The following ACAP2 variants were observed in gnomAD, a reference collection of about 807,000 sequenced individuals.
The protein encoded by ACAP2 is ArfGAP with coiled-coil, ankyrin repeat and PH domains 2.
In ACAP2, 39 loss-of-function variants were observed where a neutral mutation model predicts 115.8. That is an observed-to-expected ratio of 0.34 (90% confidence interval 0.26 to 0.44). ACAP2 has a LOEUF of 0.44. ACAP2 is among the 20% of genes least tolerant of loss of function. The pLI, the probability that ACAP2 is intolerant of heterozygous loss-of-function variation, is 1.00. For synonymous variants in ACAP2, 289 were observed against 315.8 expected, an observed-to-expected ratio of 0.92 and a Z score of 0.90; for missense variants, 662 against 927.6, an observed-to-expected ratio of 0.71 and a Z score of 3.72.
chr3:195,398,493 C>G (rs923017960), intron 1 of ACAP2, among the ~76,000 whole-genome samples: 1 of 151,890 alleles, frequency 6.6e-6, no homozygotes, highest in Non-Finnish European at 1.5e-5. Context: ...AAAAATGCGC[C>G]AGGCATGGTG....
chr3:195,317,306 A>C (rs932225523), intron 10 of ACAP2, among the ~76,000 whole-genome samples: 4 of 152,214 alleles, frequency 2.6e-5, no homozygotes, highest in African/African-American at 9.6e-5. Context: ...AATGTACACA[A>C]AGTTAAACTT....
Position 195,393,423 on chromosome 3 carries a change from G to T in ACAP2, c.54-1276C>A, listed in dbSNP as rs78325499. ...TCCACTGGGTAACATTTATTTTTAA[G>T]AAGTGTTTAAATCTCTAAAATAAGA... is the stretch of plus-strand genomic sequence containing the variant. On this transcript the variant is annotated intron_variant, in intron 1 of 22. Coordinates refer to ENST00000326793, the MANE Select transcript of ACAP2 (RefSeq NM_012287.6). 5.7e-3 allele frequency among the ~76,000 whole-genome samples: 874 copies of T among 152,308 alleles called. 13 individuals carry two copies. Among genetic ancestry groups the T allele is most frequent in the African/African-American group, 0.02 (836 of 41,564 alleles).
chr3:195,348,058 A>T (rs1560270953), intron 4 of ACAP2, among the ~76,000 whole-genome samples: 1 of 151,892 alleles, frequency 6.6e-6, no homozygotes, highest in Non-Finnish European at 1.5e-5. Context: ...AAACTTGTAA[A>T]AAAAAAAACC....
At chr3:195,320,639 A>T in intron 10 of ACAP2, 62 bp downstream of exon 10, 1 of 1,217,174 alleles carries the variant, frequency 8.2e-7, no homozygotes, top group Non-Finnish European at 1.2e-6. Flanking sequence ...TTGTCAAATC[A>T]CAGGGAAAGT....
At chr3:195,301,858 T>C (rs1053994246) in intron 14 of ACAP2, 108 bp downstream of exon 14, 3 of 1,326,960 alleles carry the variant, frequency 2.3e-6, no homozygotes, top group Admixed American at 4.2e-5. Context: ...AGATACAAAC[T>C]GGTGATTAAA....
At chr3:195,329,128 C>G (rs1378207411) in intron 8 of ACAP2, among the ~76,000 whole-genome samples, 1 of 151,592 alleles carries the variant, frequency 6.6e-6, no homozygotes, top group Non-Finnish European at 1.5e-5. Flanking sequence ...TCTTGCATCT[C>G]TAACCAAAAA....
At position 195,295,940 on chromosome 3, in the gene ACAP2, G is replaced by A. The variant is rs950714844; in HGVS notation, c.1488-48C>T. 9.4e-6 allele frequency: 14 copies of A among 1,492,876 alleles called. No homozygotes were observed. In the Admixed American group the frequency reaches 1.2e-4, roughly 12 times the overall value. The allele number at this position is 1,492,876 out of a possible 1,614,324, so 92.5% of individuals were successfully genotyped here. A position where few individuals can be genotyped will look rare whatever the true frequency, so the allele number is the denominator to read the frequency against. The stretch of plus-strand genomic sequence containing the variant: ...GATGTTTTGCTTAATCTCTCAGCAT[G>A]GCTAATACCACAACAAGCCATTATA... On this transcript the variant is annotated intron_variant, in intron 16 of 22. Transcript: ENST00000326793.
At chr3:195,294,419 AAC>A (rs1389851385) in intron 18 of ACAP2, among the ~76,000 whole-genome samples, 2 of 150,872 alleles carry the variant, frequency 1.3e-5, no homozygotes, top group Non-Finnish European at 3.0e-5. Flanking sequence ...CCCTACTAAA[AAC>A]ACAAAAATTA....
intron 1 of ACAP2, among the ~76,000 whole-genome samples, chr3:195,415,602 T>G (rs115242937): frequency 0.012 from 1,816 of 152,194 alleles, 30 homozygotes; most frequent in African/African-American, 0.04. Flanking sequence ...AAGTAAATAT[T>G]GTCTTCAGCC....
intron 4 of ACAP2, among the ~76,000 whole-genome samples, chr3:195,350,778 C>T (rs2108668710): frequency 6.6e-6 from 1 of 151,662 alleles, no homozygotes; most frequent in African/African-American, 2.4e-5. Context: ...ATGTACAGAG[C>T]AAGCTGGAGA....
chr3:195,291,983 T>G (rs928023502), intron 19 of ACAP2, among the ~76,000 whole-genome samples, 168 bp from the exon 20 acceptor site: 3 of 152,226 alleles, frequency 2.0e-5, no homozygotes, highest in Non-Finnish European at 4.4e-5. Context: ...TAAATTATAT[T>G]ATTTTCTTCC....
chr3:195,403,099 G>T (rs1712451242), intron 1 of ACAP2, among the ~76,000 whole-genome samples: 1 of 152,176 alleles, frequency 6.6e-6, no homozygotes, highest in South Asian at 2.1e-4. Flanking sequence ...GATCAAAATA[G>T]TCCTCACTGA....
chr3:195,311,421 A>G (rs2109000494), intron 10 of ACAP2, among the ~76,000 whole-genome samples: 1 of 151,656 alleles, frequency 6.6e-6, no homozygotes, highest in East Asian at 2.0e-4. Flanking sequence ...CATTTCTAAG[A>G]AAAGGAAAAG....
rs1477503285 is a variant in ACAP2 at position 195,281,649 on chromosome 3, G to A, written c.2237-2221C>T. 2.0e-5 allele frequency among the ~76,000 whole-genome samples: 3 copies of A among 152,114 alleles called. No homozygotes were observed. The East Asian group carries it at 5.8e-4, about 29-fold the overall frequency. On this transcript the variant is annotated intron_variant, in intron 22 of 22. Coordinates refer to ENST00000326793, the MANE Select transcript of ACAP2 (RefSeq NM_012287.6). ...TCATATTGACATGACTAAAATAAAA[G>A]GTTGATACGTTGGAACAGCTGGTAA...
intron 4 of ACAP2, among the ~76,000 whole-genome samples, chr3:195,350,258 T>C (rs1233247136): frequency 6.6e-6 from 1 of 152,150 alleles, no homozygotes; most frequent in Non-Finnish European, 1.5e-5. Flanking sequence ...GGACCTAGAA[T>C]AGCCAAAATA....
At chr3:195,328,145 A>G (rs1729922320) in intron 8 of ACAP2, among the ~76,000 whole-genome samples, 1 of 152,096 alleles carries the variant, frequency 6.6e-6, no homozygotes, top group South Asian at 2.1e-4. Context: ...CTAGACTATG[A>G]TGATGCCTTT....
intron 1 of ACAP2, among the ~76,000 whole-genome samples, chr3:195,403,686 G>A (rs1486168210): frequency 6.6e-6 from 1 of 152,192 alleles, no homozygotes; most frequent in Non-Finnish European, 1.5e-5. Context: ...TCAGGCTGGA[G>A]CAAAAAGAAA....
At chr3:195,438,596 C>T (rs1298379073) in intron 1 of ACAP2, among the ~76,000 whole-genome samples, 3 of 152,080 alleles carry the variant, frequency 2.0e-5, no homozygotes, top group African/African-American at 7.2e-5. Flanking sequence ...CCTGACTGGG[C>T]ATGGTGACTC....
intron 4 of ACAP2, among the ~76,000 whole-genome samples, chr3:195,367,163 C>T (rs970324581): frequency 2.0e-5 from 3 of 151,910 alleles, no homozygotes; most frequent in Non-Finnish European, 4.4e-5. Flanking sequence ...ATCAGAAACA[C>T]CTGGAAGGCT....
Sources: allele counts gnomAD v4.1 joint callset (sites outside exome capture counted in the v4.1 genomes callset), GRCh38; gene constraint gnomAD v4.1.1; transcripts MANE v1.5; gene names NCBI Gene and HGNC (gene_info 2026-07-23, HGNC 2026-07-21).